The following SCML4 variants were observed in gnomAD, a reference collection of about 807,000 sequenced individuals.
SCML4 encodes sex comb on midleg-like protein 4.
SCML4 carries 34 observed loss-of-function variants against 41.1 expected under a neutral mutation model. The observed-to-expected ratio is 0.83, with a 90% confidence interval of 0.63 to 1.10. The LOEUF (loss-of-function observed/expected upper bound fraction) is 1.10, where lower values mean the gene tolerates loss of function less well. Among genes scored for constraint, SCML4 ranks in the 50% least tolerant of loss-of-function variants. SCML4 has a pLI of 0.00. For missense variants in SCML4, 522 were observed against 534.1 expected, an observed-to-expected ratio of 0.98 and a Z score of 0.22; for synonymous variants, 214 against 220.9, an observed-to-expected ratio of 0.97 and a Z score of 0.28.
chr6:107,841,067 A>G, the SCML4 span, among the ~76,000 whole-genome samples: 1 of 151,898 alleles, frequency 6.6e-6, no homozygotes, highest in Non-Finnish European at 1.5e-5. Flanking sequence ...CCCAAACACC[A>G]TCTCCCTCCT....
intron 5 of SCML4, among the ~76,000 whole-genome samples, chr6:107,744,443 C>G (rs1476047978): frequency 6.6e-6 from 1 of 152,208 alleles, no homozygotes; most frequent in South Asian, 2.1e-4. Flanking sequence ...AATATATGGC[C>G]CCGTCAAATC....
At chr6:107,829,867 T>A in the SCML4 span, among the ~76,000 whole-genome samples, 1 of 152,244 alleles carries the variant, frequency 6.6e-6, no homozygotes, top group Admixed American at 6.5e-5. Flanking sequence ...ACATATTTGA[T>A]AATGGCTCTC....
Position 107,704,678 on chromosome 6 carries a change from TAA to T in SCML4, c.*520_*521del, listed in dbSNP as rs981230207. On this transcript the variant is annotated 3_prime_UTR_variant, in exon 8 of 8. Coordinates refer to ENST00000369020, the MANE Select transcript of SCML4 (RefSeq NM_198081.5). ...TTTTTTTCCTTTTTCTTTCACGGCG[TAA>T]AATAATTCAAGTTTTCCAGACAGTG... 1.3e-4 allele frequency: 20 copies of T among 151,762 alleles called. No individual in the cohort carries two copies. Among genetic ancestry groups the T allele is most frequent in the African/African-American group, 4.9e-4 (20 of 41,016 alleles). The allele number at this position is 151,762 out of a possible 1,614,324, so 9.4% of individuals were successfully genotyped here. A position where few individuals can be genotyped will look rare whatever the true frequency, so the allele number is the denominator to read the frequency against.
Position 107,755,947 on chromosome 6 carries a change from G to T in SCML4, c.157-6134C>A, listed in dbSNP as rs566968911. 2.0e-5 allele frequency among the ~76,000 whole-genome samples: 3 copies of T among 152,048 alleles called. No homozygotes were observed. The South Asian group carries it at 6.2e-4, about 32-fold the overall frequency. ...GAAAGAGCTCCCAGTGGCCAAATTC[G>T]GACCAAGAGGAACAACAAATAAATA... On this transcript the variant is annotated intron_variant, in intron 2 of 7. Transcript: ENST00000369020.
chr6:107,705,392 G>C, intron 7 of SCML4, 67 bp from the exon 8 acceptor site: 1 of 1,480,540 alleles, frequency 6.8e-7, no homozygotes, highest in Non-Finnish European at 9.2e-7. Context: ...CAGTGGCTAA[G>C]GTTAAGGTGT....
chr6:107,790,662 CA>C (rs1303764560), intron 1 of SCML4, among the ~76,000 whole-genome samples: 2 of 152,090 alleles, frequency 1.3e-5, no homozygotes, highest in Non-Finnish European at 2.9e-5. Context: ...CCTGAAGATA[CA>C]AAGGGATGTC....
the SCML4 span, among the ~76,000 whole-genome samples, chr6:107,845,000 C>G: frequency 4.0e-5 from 6 of 151,224 alleles, no homozygotes; most frequent in Non-Finnish European, 8.8e-5. Context: ...TTTTGGGAGG[C>G]TGAGGCAGGC....
chr6:107,760,105 G>A (rs770413891), intron 2 of SCML4, among the ~76,000 whole-genome samples: 12 of 152,168 alleles, frequency 7.9e-5, no homozygotes, highest in Non-Finnish European at 1.6e-4. Context: ...ACACATTAAA[G>A]AATTTGAGTC....
chr6:107,756,045 G>A (rs766082403), intron 2 of SCML4, among the ~76,000 whole-genome samples: 2 of 152,144 alleles, frequency 1.3e-5, no homozygotes, highest in African/African-American at 2.4e-5. Context: ...ATAGGTGGTT[G>A]ACTCAGTAAA....
intron 2 of SCML4, among the ~76,000 whole-genome samples, chr6:107,764,083 C>T (rs183480002): frequency 1.4e-4 from 21 of 152,346 alleles, no homozygotes; most frequent in African/African-American, 5.1e-4. Context: ...TTGAATAACT[C>T]ACCATGTTTA....
At chr6:107,769,241 T>C (rs531798045) in intron 2 of SCML4, among the ~76,000 whole-genome samples, 2 of 152,314 alleles carry the variant, frequency 1.3e-5, no homozygotes, top group Admixed American at 1.3e-4. Context: ...GCCCCAGTCA[T>C]GTGGCTGCGA....
intron 1 of SCML4, among the ~76,000 whole-genome samples, chr6:107,810,592 T>G (rs1361890857): frequency 6.6e-6 from 1 of 152,122 alleles, no homozygotes; most frequent in African/African-American, 2.4e-5. Context: ...ACAGCAGGAA[T>G]GTGAGTGGCC....
At chr6:107,781,448 A>G (rs1344219682) in intron 1 of SCML4, among the ~76,000 whole-genome samples, 1 of 152,112 alleles carries the variant, frequency 6.6e-6, no homozygotes, top group East Asian at 1.9e-4. Context: ...GGAGCTCAAG[A>G]CCAGCCTGAG....
At chr6:107,825,722 C>T (rs796067668), upstream of SCML4, among the ~76,000 whole-genome samples, 11 of 149,080 alleles carry the variant, frequency 7.4e-5, no homozygotes, top group Non-Finnish European at 1.5e-4. Context: ...GGGTGGATCA[C>T]GAGGTCAGGA....
At chr6:107,830,375 A>C in the SCML4 span, among the ~76,000 whole-genome samples, 1 of 151,700 alleles carries the variant, frequency 6.6e-6, no homozygotes, top group Non-Finnish European at 1.5e-5. Flanking sequence ...AAGGTCTGGC[A>C]GTTTTGGTGG....
At chr6:107,841,641 C>T in the SCML4 span, among the ~76,000 whole-genome samples, 8 of 152,174 alleles carry the variant, frequency 5.3e-5, no homozygotes. Flanking sequence ...ACTATATGGA[C>T]AAATATATGC....
intron 6 of SCML4, among the ~76,000 whole-genome samples, chr6:107,709,327 G>C (rs1410934452): frequency 6.6e-6 from 1 of 152,210 alleles, no homozygotes; most frequent in East Asian, 1.9e-4. Context: ...CCTTGCTGGT[G>C]ATTGGACCAG....
chr6:107,813,879 G>A (rs1238937633), intron 1 of SCML4, among the ~76,000 whole-genome samples: 1 of 152,212 alleles, frequency 6.6e-6, no homozygotes, highest in African/African-American at 2.4e-5. Context: ...TCACCCATGT[G>A]TCTGATCTCT....
At chr6:107,844,927 A>T in the SCML4 span, among the ~76,000 whole-genome samples, 1 of 80,694 alleles carries the variant, frequency 1.2e-5, no homozygotes, top group Non-Finnish European at 2.7e-5. Flanking sequence ...AATTTTAAAT[A>T]TGTATATTAA....
Sources: allele counts gnomAD v4.1 joint callset (sites outside exome capture counted in the v4.1 genomes callset), GRCh38; gene constraint gnomAD v4.1.1; transcripts MANE v1.5; gene names NCBI Gene and HGNC (gene_info 2026-07-23, HGNC 2026-07-21).